The following ADAP1 variants were observed in gnomAD, a reference collection of about 807,000 sequenced individuals.
The protein encoded by ADAP1 is arf-GAP with dual PH domain-containing protein 1.
In ADAP1, 31 loss-of-function variants were observed where a neutral mutation model predicts 54.9. The observed-to-expected ratio is 0.56, with a 90% CI of 0.42 to 0.76. ADAP1 has a LOEUF of 0.76. Among genes scored for constraint, ADAP1 ranks in the 30% least tolerant of loss-of-function variants. ADAP1 has a pLI of 0.00. For synonymous variants in ADAP1, 313 were observed against 202.6 expected, an observed-to-expected ratio of 1.55 and a Z score of -4.63; for missense variants, 535 against 512.4, an observed-to-expected ratio of 1.04 and a Z score of -0.42.
intron 1 of ADAP1, among the ~76,000 whole-genome samples, chr7:947,548 G>A (rs1053107427): frequency 5.3e-5 from 8 of 151,848 alleles, no homozygotes; most frequent in Non-Finnish European, 8.8e-5. Flanking sequence ...CCATCTCAGC[G>A]AGTGAGGTGC....
chr7:907,484 G>A (rs984242625), intron 4 of ADAP1, among the ~76,000 whole-genome samples: 1 of 152,156 alleles, frequency 6.6e-6, no homozygotes, highest in African/African-American at 2.4e-5. Flanking sequence ...CTCTGCCAGA[G>A]CTGTGGGAGA....
At chr7:933,048 G>GAT (rs1196429569) in intron 2 of ADAP1, among the ~76,000 whole-genome samples, 2 of 152,022 alleles carry the variant, frequency 1.3e-5, no homozygotes. Context: ...GAGGTGGGTG[G>GAT]ATCACCTGCG....
At chr7:933,196 G>A (rs1238213301) in intron 2 of ADAP1, among the ~76,000 whole-genome samples, 1 of 151,350 alleles carries the variant, frequency 6.6e-6, no homozygotes, top group African/African-American at 2.4e-5. Context: ...GCTTGAGCCC[G>A]GGAGGTGGAG....
intron 4 of ADAP1, among the ~76,000 whole-genome samples, chr7:906,057 GAGAAAGGGA>G (rs1562913559): frequency 2.8e-4 from 6 of 21,658 alleles, no homozygotes; most frequent in Non-Finnish European, 4.2e-4. Flanking sequence ...AAGGAGAAAG[GAGAAAGGGA>G]GAAAGGAGAA....
Position 945,035 on chromosome 7 carries a change from G to T in ADAP1, c.82+9361C>A, listed in dbSNP as rs1197087137. On this transcript the variant is annotated intron_variant, in intron 1 of 10. Transcript: ENST00000265846. This position sits in a 1 kb window ranked among gnomAD's most constrained non-coding sequence, Gnocchi z 4.2. ...ATTTGAGTATGCTGAAGCTCTGCAG[G>T]GTGGGCTCACGTGTGTGTGTGCAGG... 6.6e-6 allele frequency among the ~76,000 whole-genome samples: 1 copy of T among 152,138 alleles called. No homozygotes were observed. Among genetic ancestry groups the T allele is most frequent in the East Asian group, 1.9e-4 (1 of 5,174 alleles).
chr7:953,864 C>A lies in ADAP1; in HGVS notation c.82+532G>T, dbSNP rs1282411190. On this transcript the variant is annotated intron_variant, in intron 1 of 10. Coordinates refer to ENST00000265846, the MANE Select transcript of ADAP1 (RefSeq NM_006869.4). ...CTCTCCCAGGCCTCACCTGTCCTGGCGCCCGCCCCGGAGCAGCCAGGTGCA... is the reference window on the plus strand; with the variant it reads ...CTCTCCCAGGCCTCACCTGTCCTGGAGCCCGCCCCGGAGCAGCCAGGTGCA... 2.6e-5 allele frequency among the ~76,000 whole-genome samples: 4 copies of A among 152,208 alleles called. No homozygotes were observed. In the East Asian group the frequency reaches 5.8e-4, roughly 22 times the overall value.
intron 4 of ADAP1, among the ~76,000 whole-genome samples, chr7:918,055 G>A (rs565461895): frequency 6.6e-6 from 1 of 152,118 alleles, no homozygotes; most frequent in Non-Finnish European, 1.5e-5. Context: ...TCCATATAAA[G>A]TGCTGGGATT....
chr7:914,136 C>T (rs1055470784), intron 4 of ADAP1, among the ~76,000 whole-genome samples: 1 of 152,182 alleles, frequency 6.6e-6, no homozygotes, highest in Non-Finnish European at 1.5e-5. Flanking sequence ...GGGCACTGGG[C>T]GTGGCACAGC....
At chr7:906,755 T>TGGACAGGGGACATGGG (rs1397877150) in intron 4 of ADAP1, among the ~76,000 whole-genome samples, 1 of 22,236 alleles carries the variant, frequency 4.5e-5, no homozygotes, top group Non-Finnish European at 9.5e-5. Context: ...ATAGGGGACA[T>TGGACAGGGGACATGGG]GGACAGGGGA....
At position 915,466 on chromosome 7, in the gene ADAP1, C is replaced by T. The variant is rs569881863; in HGVS notation, c.388+4502G>A. ...GTATGAGAAGCGGCCATTCACTCAG[C>T]GTGGGCTTCAGAGGCCGGCAGGCAA... On this transcript the variant is annotated intron_variant, in intron 4 of 10. Coordinates refer to ENST00000265846, the MANE Select transcript of ADAP1 (RefSeq NM_006869.4). Among the ~76,000 whole-genome samples the T allele has an allele frequency of 3.9e-5, 6 of 152,346 alleles. No homozygotes were observed. In the South Asian group the frequency reaches 6.2e-4, roughly 16 times the overall value.
At chr7:937,871 C>T (rs1247820908) in intron 1 of ADAP1, among the ~76,000 whole-genome samples, 4 of 152,144 alleles carry the variant, frequency 2.6e-5, no homozygotes, top group East Asian at 1.9e-4. Flanking sequence ...TCCCCATTAA[C>T]GTGGGCTTCT....
chr7:940,352 AC>A (rs1846911145), intron 1 of ADAP1, among the ~76,000 whole-genome samples: 1 of 151,596 alleles, frequency 6.6e-6, no homozygotes, highest in East Asian at 1.9e-4. Context: ...ACACACACAC[AC>A]ACACACACAC....
intron 6 of ADAP1, chr7:901,096 C>A: frequency 6.5e-6 from 3 of 462,852 alleles, no homozygotes; most frequent in South Asian, 3.1e-5. Flanking sequence ...TGGCCCCTAC[C>A]GAGAGTGGGC....
chr7:930,711 C>T (rs1413444738), intron 2 of ADAP1, among the ~76,000 whole-genome samples: 1 of 151,588 alleles, frequency 6.6e-6, no homozygotes, highest in Non-Finnish European at 1.5e-5. Flanking sequence ...CCCAGCTACT[C>T]GGGAGGCTGA....
rs377433855 is a variant in ADAP1 at position 945,344 on chromosome 7, C to T, written c.82+9052G>A. 2.0e-5 allele frequency among the ~76,000 whole-genome samples: 3 copies of T among 152,190 alleles called. No homozygotes were observed. In the East Asian group the frequency reaches 5.8e-4, roughly 29 times the overall value. On this transcript the variant is annotated intron_variant, in intron 1 of 10. Transcript: ENST00000265846. This position sits in a 1 kb window ranked among gnomAD's most constrained non-coding sequence, Gnocchi z 4.2. ...TCTGACGCCCCAGCAGCAGGGCCCC[C>T]ACAGGCCCACGCAGGAGAGCCTCTC...
At chr7:927,497 G>T (rs1173345348) in intron 2 of ADAP1, 2 of 470,842 alleles carry the variant, frequency 4.2e-6, no homozygotes, top group Admixed American at 4.7e-5. Flanking sequence ...AACACCACTC[G>T]CCTGAGGCCG....
At chr7:911,379 G>A (rs1055805796) in intron 4 of ADAP1, among the ~76,000 whole-genome samples, 8 of 152,090 alleles carry the variant, frequency 5.3e-5, no homozygotes, top group Non-Finnish European at 5.9e-5. Flanking sequence ...CCCCATCCCC[G>A]CCAGGCTGCC....
chr7:899,979 GT>G, intron 8 of ADAP1, 122 bp downstream of exon 8: 3 of 1,203,270 alleles, frequency 2.5e-6, no homozygotes, highest in Non-Finnish European at 3.6e-6. Context: ...ACAAGGGGCT[GT>G]GAGGACCCAC....
chr7:929,979 C>T (rs1257750420), intron 2 of ADAP1, among the ~76,000 whole-genome samples: 1 of 151,604 alleles, frequency 6.6e-6, no homozygotes, highest in Non-Finnish European at 1.5e-5. Flanking sequence ...TGGTGCACGT[C>T]TGTAGTTCCA....
Sources: gnomAD v4.1 joint callset for allele counts (sites outside exome capture counted in the v4.1 genomes callset) on GRCh38, gnomAD v4.1.1 for gene constraint, Gnocchi (gnomAD v3.1) non-coding constraint, MANE v1.5 for transcripts, NCBI Gene and HGNC (gene_info 2026-07-23, HGNC 2026-07-21) for gene names.